The following SPECC1L variants were observed in gnomAD, a reference collection of about 807,000 sequenced individuals.
SPECC1L encodes sperm antigen with calponin homology and coiled-coil domains 1 like.
Under a neutral mutation model 116.8 loss-of-function variants are expected in SPECC1L, and 40 were observed. The observed-to-expected ratio is 0.34, with a 90% CI of 0.27 to 0.45. SPECC1L has a LOEUF of 0.45. SPECC1L is among the 20% of genes least tolerant of loss of function. The probability of loss-of-function intolerance (pLI) is 1.00; values close to 1 mark genes in which losing one functional copy is unlikely to be tolerated. For synonymous variants in SPECC1L, 504 were observed against 500.6 expected (o/e 1.01, Z -0.09); for missense variants, 1,110 against 1,373.6 (o/e 0.81, Z 3.03).
rs1283106320 is a variant in SPECC1L at position 24,415,013 on chromosome 22, C to T, written c.*390C>T. The T allele has an allele frequency of 7.6e-6, 2 of 263,694 alleles. No homozygotes were observed. Among genetic ancestry groups the T allele is most frequent in the South Asian group, 8.5e-5 (2 of 23,516 alleles). 16.3% of individuals were successfully genotyped at this position (263,694 alleles called of 1,614,324 possible). On this transcript the variant is annotated 3_prime_UTR_variant, in exon 17 of 17. Coordinates refer to ENST00000314328, the MANE Select transcript of SPECC1L (RefSeq NM_015330.6). Reference sequence around the variant, plus strand: ...GGAAACTCACTAGGGTTGATGAAGGCTCGGCCGCGGCACTTCCTGACTATT... The same window carrying T: ...GGAAACTCACTAGGGTTGATGAAGGTTCGGCCGCGGCACTTCCTGACTATT...
At chr22:24,282,672 A>G (rs1017262254) in intron 2 of SPECC1L, among the ~76,000 whole-genome samples, 6 of 152,096 alleles carry the variant, frequency 3.9e-5, no homozygotes, top group African/African-American at 1.2e-4. Context: ...TTTTTTTAAT[A>G]AGGAATGAAT....
intron 4 of SPECC1L, among the ~76,000 whole-genome samples, chr22:24,313,742 C>CTT (rs1350275306): frequency 0.027 from 3,457 of 129,930 alleles, 192 homozygotes; most frequent in African/African-American, 0.089. Context: ...GAGAAGGATT[C>CTT]TTTTTTTTTT....
intron 2 of SPECC1L, among the ~76,000 whole-genome samples, chr22:24,286,911 A>G (rs1051751448): frequency 6.6e-6 from 1 of 152,242 alleles, no homozygotes; most frequent in African/African-American, 2.4e-5. Flanking sequence ...CTGTCTCCAA[A>G]AAAATGAAAA....
intron 14 of SPECC1L, among the ~76,000 whole-genome samples, chr22:24,371,858 A>G (rs2041877781): frequency 6.6e-6 from 1 of 152,174 alleles, no homozygotes; most frequent in African/African-American, 2.4e-5. Context: ...AGTAGCTGGG[A>G]TTACAAACGT....
chr22:24,285,919 C>T (rs914512943), intron 2 of SPECC1L, among the ~76,000 whole-genome samples: 2 of 152,234 alleles, frequency 1.3e-5, no homozygotes, highest in East Asian at 1.9e-4. Context: ...GGATTACAGG[C>T]GTGAGCTACC....
chr22:24,357,888 C>CTATT (rs566919572), intron 11 of SPECC1L, among the ~76,000 whole-genome samples: 17 of 152,170 alleles, frequency 1.1e-4, no homozygotes, highest in Non-Finnish European at 2.4e-4. Context: ...CTGAGCTTTC[C>CTATT]TATTTATTCA....
intron 10 of SPECC1L, among the ~76,000 whole-genome samples, chr22:24,345,238 C>T (rs1170166129): frequency 6.6e-6 from 1 of 151,924 alleles, no homozygotes; most frequent in South Asian, 2.1e-4. Context: ...AGAAAAGATT[C>T]TGAAATGACT....
chr22:24,318,146 G>C (rs543601548), intron 4 of SPECC1L, among the ~76,000 whole-genome samples: 2,120 of 152,192 alleles, frequency 0.014, 56 homozygotes, highest in African/African-American at 0.048. Flanking sequence ...TGCAATCTCG[G>C]CACTTTGGGA....
chr22:24,319,068 T>A (rs1423827745), intron 4 of SPECC1L, among the ~76,000 whole-genome samples: 1 of 152,348 alleles, frequency 6.6e-6, no homozygotes, highest in East Asian at 1.9e-4. Context: ...GTGGGACCTC[T>A]TTTACCTCAT....
chr22:24,275,971 C>T (rs1322977482), intron 1 of SPECC1L, among the ~76,000 whole-genome samples: 1 of 152,154 alleles, frequency 6.6e-6, no homozygotes, highest in Non-Finnish European at 1.5e-5. Context: ...CCTTGGCCAC[C>T]CTAAGTGTTG....
intron 2 of SPECC1L, among the ~76,000 whole-genome samples, chr22:24,284,210 T>C (rs948921582): frequency 2.0e-5 from 3 of 152,154 alleles, no homozygotes; most frequent in Non-Finnish European, 4.4e-5. Context: ...TTTAGTGTTA[T>C]AAATTTCCCT....
intron 14 of SPECC1L, among the ~76,000 whole-genome samples, chr22:24,405,823 A>G (rs1321914622): frequency 6.9e-6 from 1 of 145,982 alleles, no homozygotes; most frequent in Non-Finnish European, 1.5e-5. Context: ...TGGGCAACAG[A>G]GCGAGACTCT....
At chr22:24,302,517 A>C (rs764296323) in intron 3 of SPECC1L, 133 bp downstream of exon 3, 4 of 1,164,994 alleles carry the variant, frequency 3.4e-6, no homozygotes, top group Non-Finnish European at 5.1e-6. Context: ...CTTTGAAGAG[A>C]GCTTACAGTG....
At chr22:24,375,194 C>T (rs2041948488) in intron 14 of SPECC1L, among the ~76,000 whole-genome samples, 1 of 152,036 alleles carries the variant, frequency 6.6e-6, no homozygotes, top group Non-Finnish European at 1.5e-5. Flanking sequence ...AAAATACTTC[C>T]AGCAAAGAGA....
intron 2 of SPECC1L, among the ~76,000 whole-genome samples, chr22:24,283,733 A>G (rs781624217): frequency 4.6e-5 from 7 of 152,240 alleles, no homozygotes; most frequent in Admixed American, 2.6e-4. Context: ...TTTAACTACA[A>G]ATCCAATTTC....
chr22:24,382,462 T>C (rs944131986), intron 14 of SPECC1L, among the ~76,000 whole-genome samples: 2 of 152,068 alleles, frequency 1.3e-5, no homozygotes, highest in African/African-American at 2.4e-5. Context: ...CCCAGCACTT[T>C]GAGAGGCCGA....
chr22:24,299,454 G>A (rs184677285), intron 2 of SPECC1L, among the ~76,000 whole-genome samples: 47 of 152,154 alleles, frequency 3.1e-4, no homozygotes, highest in Admixed American at 1.1e-3. Flanking sequence ...CGGTGAACAG[G>A]GGGTATTTGG....
At chr22:24,374,659 G>A (rs1437390732) in intron 14 of SPECC1L, among the ~76,000 whole-genome samples, 6 of 150,692 alleles carry the variant, frequency 4.0e-5, no homozygotes, top group Non-Finnish European at 7.4e-5. Flanking sequence ...AGCATTAGGA[G>A]ATATACCTAA....
intron 11 of SPECC1L, among the ~76,000 whole-genome samples, chr22:24,353,154 A>G (rs552362312): frequency 3.9e-5 from 6 of 152,334 alleles, no homozygotes; most frequent in South Asian, 2.1e-4. Context: ...AATAGCAGTA[A>G]AATATTATTA....
Sources: gnomAD v4.1 joint callset for allele counts (sites outside exome capture counted in the v4.1 genomes callset) on GRCh38, gnomAD v4.1.1 for gene constraint, MANE v1.5 for transcripts, NCBI Gene and HGNC (gene_info 2026-07-23, HGNC 2026-07-21) for gene names.